ARMH4: variants seen among roughly 807,000 people sequenced by gnomAD.
ARMH4 encodes the protein armadillo like helical domain containing 4.
A neutral mutation model predicts 61.9 loss-of-function variants in ARMH4; 49 were observed. The observed-to-expected ratio is 0.79, with a 90% confidence interval of 0.63 to 1.00. ARMH4 has a LOEUF of 1.00. Among genes scored for constraint, ARMH4 ranks in the 50% least tolerant of loss-of-function variants. The pLI is 0.00. For missense variants in ARMH4, 934 were observed against 930.0 expected, an observed-to-expected ratio of 1.00 and a Z score of -0.06; for synonymous variants, 368 against 341.5, an observed-to-expected ratio of 1.08 and a Z score of -0.85.
chr14:58,072,205 A>T (rs758858065), intron 5 of ARMH4, among the ~76,000 whole-genome samples: 1 of 152,222 alleles, frequency 6.6e-6, no homozygotes, highest in Non-Finnish European at 1.5e-5. Context: ...GTAGGCACAT[A>T]GGAAGTATTC....
At chr14:58,032,758 G>C (rs10146636) in intron 5 of ARMH4, among the ~76,000 whole-genome samples, 48,678 of 151,752 alleles carry the variant, frequency 0.32, 8,070 homozygotes, top group Non-Finnish European at 0.36. Context: ...AGGGGTCAGG[G>C]AGTTCCCTTT....
chr14:58,075,154 G>C (rs576569870), intron 5 of ARMH4, among the ~76,000 whole-genome samples: 1 of 152,152 alleles, frequency 6.6e-6, no homozygotes, highest in African/African-American at 2.4e-5. Context: ...TACACTGTTC[G>C]TGGGAGTGTA....
chr14:58,131,871 T>C, intron 3 of ARMH4, 150 bp from the exon 4 acceptor site: 1 of 661,802 alleles, frequency 1.5e-6, no homozygotes, highest in Non-Finnish European at 2.6e-6. Context: ...CTTTCCCATA[T>C]TGTATTAATC....
intron 1 of ARMH4, chr14:58,141,239 C>T (rs768664443): frequency 1.4e-5 from 4 of 280,326 alleles, no homozygotes; most frequent in African/African-American, 4.5e-5. Context: ...TGTCTTTTAG[C>T]TCTTTTTCTT....
At chr14:58,148,483 T>G (rs1292045769) in intron 1 of ARMH4, among the ~76,000 whole-genome samples, 1 of 152,190 alleles carries the variant, frequency 6.6e-6, no homozygotes, top group African/African-American at 2.4e-5. Context: ...TAGCATGAAT[T>G]GTCATTTAAG....
At chr14:58,089,884 TTA>T (rs1885501900) in intron 5 of ARMH4, among the ~76,000 whole-genome samples, 1 of 152,216 alleles carries the variant, frequency 6.6e-6, no homozygotes, top group Non-Finnish European at 1.5e-5. Context: ...GACCTCACAT[TTA>T]TGAGACCACA....
chr14:58,027,637 T>C (rs1425806199), intron 5 of ARMH4, among the ~76,000 whole-genome samples: 1 of 104,178 alleles, frequency 9.6e-6, no homozygotes, highest in Non-Finnish European at 2.3e-5. Context: ...CACAGTTACC[T>C]GTGTGTGTGT....
intron 5 of ARMH4, among the ~76,000 whole-genome samples, chr14:58,047,747 G>A (rs1388124282): frequency 6.6e-6 from 1 of 152,154 alleles, no homozygotes; most frequent in Non-Finnish European, 1.5e-5. Context: ...ATGAATCCAG[G>A]TTGGTTTAAG....
chr14:58,147,702 G>C (rs980680110), intron 1 of ARMH4, among the ~76,000 whole-genome samples: 8 of 152,170 alleles, frequency 5.3e-5, no homozygotes, highest in African/African-American at 1.9e-4. Context: ...TAAGTGCCCA[G>C]TGGAAATTAT....
intron 5 of ARMH4, among the ~76,000 whole-genome samples, chr14:58,043,009 G>A (rs889592618): frequency 3.3e-5 from 5 of 152,128 alleles, no homozygotes; most frequent in South Asian, 2.1e-4. Context: ...ATTCACAGCC[G>A]AATTCTACCA....
At chr14:58,075,419 C>T (rs1455838218) in intron 5 of ARMH4, among the ~76,000 whole-genome samples, 2 of 152,154 alleles carry the variant, frequency 1.3e-5, no homozygotes, top group Admixed American at 1.3e-4. Context: ...GAATACTATG[C>T]AGCCATAAAA....
At chr14:58,077,495 T>C (rs990641856) in intron 5 of ARMH4, among the ~76,000 whole-genome samples, 2 of 152,128 alleles carry the variant, frequency 1.3e-5, no homozygotes, top group African/African-American at 4.8e-5. Flanking sequence ...CGGTCCCAGC[T>C]ACTCAAGAGG....
At chr14:58,110,722 AT>A (rs964928309) in intron 4 of ARMH4, among the ~76,000 whole-genome samples, 18 of 148,438 alleles carry the variant, frequency 1.2e-4, no homozygotes, top group East Asian at 2.0e-4. Flanking sequence ...ATTTGTTGAG[AT>A]TTTTTTTTTT....
intron 2 of ARMH4, among the ~76,000 whole-genome samples, chr14:58,134,741 G>C (rs8013343): frequency 1.3e-5 from 2 of 151,932 alleles, no homozygotes; most frequent in South Asian, 2.1e-4. Context: ...AGGATCACAA[G>C]GTCAGGAGTT....
At chr14:58,123,861 A>G (rs1380594480) in intron 4 of ARMH4, among the ~76,000 whole-genome samples, 1 of 149,900 alleles carries the variant, frequency 6.7e-6, no homozygotes, top group Non-Finnish European at 1.5e-5. Flanking sequence ...TTTAGCTGCC[A>G]GTTCAGAAAC....
At position 58,001,377 on chromosome 14, in the gene ARMH4, A is replaced by G. The variant is rs1225875915; in HGVS notation, c.*3359T>C. On this transcript the variant is annotated 3_prime_UTR_variant, in exon 8 of 8. Transcript: ENST00000267485. ...ATAAGCAATGAACACAGGCGTACAG[A>G]TACTTCTTCAAGATCCTGATTTCTA... 41 of 152,196 alleles carry G rather than the reference A, an allele frequency of 2.7e-4. No individual in the cohort carries two copies. Among genetic ancestry groups the G allele is most frequent in the Admixed American group, 2.7e-3 (41 of 15,282 alleles). The allele number at this position is 152,196 out of a possible 1,614,324, so 9.4% of individuals were successfully genotyped here.
chr14:58,131,566 T>C lies in ARMH4; in HGVS notation c.1777A>G (p.Ile593Val), dbSNP rs750290334. The C allele has an allele frequency of 1.6e-5, 26 of 1,614,094 alleles. No homozygotes were observed. The highest frequency in any genetic ancestry group is 6.7e-5 in the Admixed American group (4 of 60,012). ...SSERRTVVPS[I>V]TRVNTAASYG... ...GAGGCAGCTGTATTAACACGAGTAA[T>C]AGATGGAACAACAGTTCTTCTCTCA... Residue 593 changes from isoleucine to valine, a missense_variant, in exon 4 of 8, where the codon ATT becomes GTT. Transcript: ENST00000267485.
At chr14:58,100,086 G>A (rs1034474853) in intron 4 of ARMH4, among the ~76,000 whole-genome samples, 1 of 152,146 alleles carries the variant, frequency 6.6e-6, no homozygotes, top group Non-Finnish European at 1.5e-5. Context: ...CCCCTGAAAC[G>A]GTAGGAAAAA....
At chr14:58,072,598 T>G (rs1189347095) in intron 5 of ARMH4, among the ~76,000 whole-genome samples, 1 of 151,992 alleles carries the variant, frequency 6.6e-6, no homozygotes, top group Non-Finnish European at 1.5e-5. Flanking sequence ...GGTGTGCACC[T>G]GTAATCCCAG....
Sources: gnomAD v4.1 joint callset for allele counts (sites outside exome capture counted in the v4.1 genomes callset) on GRCh38, gnomAD v4.1.1 for gene constraint, MANE v1.5 for transcripts, NCBI Gene and HGNC (gene_info 2026-07-23, HGNC 2026-07-21) for gene names.